The following NPC1L1 variants were observed in gnomAD, a reference collection of about 807,000 sequenced individuals.
NPC1L1 encodes NPC1 like intracellular cholesterol transporter 1, also known as NPC1-like intracellular cholesterol transporter 1.
A neutral mutation model predicts 117.0 loss-of-function variants in NPC1L1; 98 were observed. The ratio of observed to expected loss-of-function variants is 0.84; its 90% CI spans 0.71 to 0.99. The LOEUF is 0.99. NPC1L1 is among the 50% of genes least tolerant of loss of function. NPC1L1 has a pLI of 0.00. For missense variants in NPC1L1, 1,540 were observed against 1,710.0 expected (o/e 0.90, Z 1.75); for synonymous variants, 729 against 727.6 (o/e 1.00, Z -0.03).
At chr7:44,530,372 A>G (rs574595378) in intron 10 of NPC1L1, among the ~76,000 whole-genome samples, 29 of 152,198 alleles carry the variant, frequency 1.9e-4, no homozygotes, top group African/African-American at 7.0e-4. Flanking sequence ...TGGTTGTGTC[A>G]GGGGCTGAGG....
rs759973294 is a variant in NPC1L1 at position 44,520,958 on chromosome 7, T to C, written c.3080+34A>G. On this transcript the variant is annotated intron_variant, in intron 13 of 18. Transcript: ENST00000381160. ...AACCCCATCCTGTGTCCCACATGTC[T>C]GTCCTCCCCAGCAGAAGGCCCTCCC... 9 of 1,614,050 alleles carry C rather than the reference T, an allele frequency of 5.6e-6. No homozygotes were observed. In the East Asian group the frequency reaches 2.0e-4, roughly 36 times the overall value.
intron 10 of NPC1L1, among the ~76,000 whole-genome samples, chr7:44,524,893 T>G (rs1393717776): frequency 6.6e-6 from 1 of 151,544 alleles, no homozygotes; most frequent in Non-Finnish European, 1.5e-5. Flanking sequence ...GCAAAAAAAC[T>G]CTGGAGCTAA....
At chr7:44,519,367 G>C (rs1002831837) in intron 14 of NPC1L1, among the ~76,000 whole-genome samples, 8 of 152,190 alleles carry the variant, frequency 5.3e-5, no homozygotes, top group Admixed American at 2.6e-4. Flanking sequence ...GCTCCTTCCA[G>C]GCCCTGCTCC....
At chr7:44,541,141 A>T (rs537019177) in intron 1 of NPC1L1, 65 bp downstream of exon 1, 20 of 1,515,900 alleles carry the variant, frequency 1.3e-5, no homozygotes, top group Non-Finnish European at 1.7e-5. Flanking sequence ...CGCCTGGTAC[A>T]CGGCTGGCCC....
chr7:44,517,565 C>A (rs1225212248), intron 14 of NPC1L1, among the ~76,000 whole-genome samples: 1 of 152,176 alleles, frequency 6.6e-6, no homozygotes, highest in East Asian at 1.9e-4. Context: ...ATAGCTGGCC[C>A]CACTGCTGTG....
In NPC1L1 at chr7:44,536,480, C is replaced by G. The variant is rs1461571278; in HGVS notation, c.1682-52G>C. On this transcript the variant is annotated intron_variant, in intron 3 of 18. Coordinates refer to ENST00000381160, the MANE Select transcript of NPC1L1 (RefSeq NM_001101648.2). This position sits in a 1 kb window ranked among gnomAD's most constrained non-coding sequence, Gnocchi z 4.7. ...CCTGCTGCACCCGTGCCTCCCTCCC[C>G]CTCCAGCTGCACCCCTATATTCCCT... 2 of 1,587,922 alleles carry G rather than the reference C, an allele frequency of 1.3e-6. No homozygotes were observed. The highest frequency in any genetic ancestry group is 1.7e-6 in the Non-Finnish European group (2 of 1,167,822).
Position 44,538,777 on chromosome 7 carries a change from C to A in NPC1L1, c.1580+40G>T. 6.2e-7 allele frequency: 1 copy of A among 1,606,282 alleles called. No homozygotes were observed. Among genetic ancestry groups the A allele is most frequent in the East Asian group, 2.2e-5 (1 of 44,846 alleles). ...GGAGGCCATGGCAGCCCAGCCCCAGCCCCAGCCCACTCCTCGCTTGGGCCC... is the reference window on the plus strand; with the variant it reads ...GGAGGCCATGGCAGCCCAGCCCCAGACCCAGCCCACTCCTCGCTTGGGCCC... On this transcript the variant is annotated intron_variant, in intron 2 of 18. Transcript: ENST00000381160. The surrounding 1 kb of genome is among the most constrained non-coding windows in gnomAD (Gnocchi z 5.9).
chr7:44,530,291 T>G (rs1401399199), intron 10 of NPC1L1, among the ~76,000 whole-genome samples: 1 of 150,206 alleles, frequency 6.7e-6, no homozygotes, highest in Non-Finnish European at 1.5e-5. Flanking sequence ...TGAGCCGAGA[T>G]CACACCATTG....
intron 18 of NPC1L1, among the ~76,000 whole-genome samples, chr7:44,514,248 A>G (rs1585124242): frequency 6.6e-6 from 1 of 152,230 alleles, no homozygotes; most frequent in Non-Finnish European, 1.5e-5. Context: ...AACTCCTCCC[A>G]GCTTGCCCAC....
chr7:44,525,722 A>C (rs1001198186), intron 10 of NPC1L1, among the ~76,000 whole-genome samples: 3 of 152,218 alleles, frequency 2.0e-5, no homozygotes, highest in African/African-American at 7.2e-5. Context: ...AATAAAAATA[A>C]AAAGTAAAAT....
intron 10 of NPC1L1, among the ~76,000 whole-genome samples, chr7:44,526,410 G>T (rs533700148): frequency 6.6e-6 from 1 of 150,900 alleles, no homozygotes; most frequent in East Asian, 2.0e-4. Flanking sequence ...TTAGCCAGGC[G>T]TGGAGGCATG....
At chr7:44,523,228 G>C (rs1181381967) in intron 10 of NPC1L1, among the ~76,000 whole-genome samples, 6 of 151,980 alleles carry the variant, frequency 3.9e-5, no homozygotes, top group Non-Finnish European at 8.8e-5. Flanking sequence ...GCTGATTTTT[G>C]TATTTTTAAA....
chr7:44,539,629 G>A lies in NPC1L1; in HGVS notation c.768C>T (p.Cys256=), dbSNP rs771299230. 3 of 1,613,874 alleles carry A rather than the reference G, an allele frequency of 1.9e-6. No individual in the cohort carries two copies. In the East Asian group the frequency reaches 6.7e-5, roughly 36 times the overall value. ...SQGDDVATCS[C]QDCAASCPAI... is the part of the protein sequence containing the mutation. ...CAGGACAGGATGCAGCACAGTCTTG[G>A]CAGGAGCAGGTCGCCACGTCGTCAC... The change falls in exon 2 of 19, where the codon TGC becomes TGT. Residue 256 remains cysteine (C), a synonymous_variant. Transcript: ENST00000381160. The surrounding 1 kb of genome is among the most constrained non-coding windows in gnomAD (Gnocchi z 4.4).
rs201181300 is a variant in NPC1L1 at position 44,533,556 on chromosome 7, C to A, written c.2284G>T (p.Ala762Ser). 43 of 1,614,054 alleles carry A rather than the reference C, an allele frequency of 2.7e-5. No individual in the cohort carries two copies. The highest frequency in any genetic ancestry group is 4.0e-5 in the African/African-American group (3 of 74,942). The change falls in exon 8 of 19, where the codon GCC becomes TCC. Residue 762 changes from alanine (A) to serine (S), a missense_variant and splice_region_variant. Around this residue, in one of 3 missense-constraint regions of NPC1L1, gnomAD observed 742 missense variants for 873.6 expected, o/e 0.85. Coordinates refer to ENST00000381160, the MANE Select transcript of NPC1L1 (RefSeq NM_001101648.2). ...LSEAICFFLG[A>S]LTPMPAVRTF... Reference sequence around the variant, plus strand: ...CGCACAGCTGGCATGGGGGTCAGGGCCCCTGTGAGGGAGCAGAGGGCTGTC... The same window carrying A: ...CGCACAGCTGGCATGGGGGTCAGGGACCCTGTGAGGGAGCAGAGGGCTGTC...
chr7:44,534,326 G>C lies in NPC1L1; in HGVS notation c.2166+121C>G. On this transcript the variant is annotated intron_variant, in intron 6 of 18. Transcript: ENST00000381160. The surrounding 1 kb of genome is among the most constrained non-coding windows in gnomAD (Gnocchi z 5.2). The stretch of plus-strand genomic sequence containing the variant: ...TACAGATATTGTAAACATGCGTGTC[G>C]ATGAACAGAAAGAGTCTGCAGGGAG... 2.2e-6 allele frequency: 2 copies of C among 926,766 alleles called. No homozygotes were observed. The highest frequency in any genetic ancestry group is 3.6e-6 in the Non-Finnish European group (2 of 557,068). 57.4% of individuals were successfully genotyped at this position (926,766 alleles called of 1,614,324 possible).
chr7:44,536,268 C>G lies in NPC1L1; in HGVS notation c.1842G>C (p.Thr614=), dbSNP rs141472794. 6.2e-7 allele frequency: 1 copy of G among 1,613,890 alleles called. No individual in the cohort carries two copies. The highest frequency in any genetic ancestry group is 1.7e-5 in the Admixed American group (1 of 60,032). Residue 614 remains threonine, a synonymous_variant, in exon 4 of 19, where the codon ACG becomes ACC. Coordinates refer to ENST00000381160, the MANE Select transcript of NPC1L1 (RefSeq NM_001101648.2). The surrounding 1 kb of genome is among the most constrained non-coding windows in gnomAD (Gnocchi z 4.7). ...QRRMAGMFQV[T]FMAERSLEDE... is the part of the protein sequence containing the mutation. Reference sequence around the variant, plus strand: ...CTGCAGCCCCTACCTCAGCCATGAACGTGACCTGGAACATGCCAGCCATCC... The same window carrying G: ...CTGCAGCCCCTACCTCAGCCATGAAGGTGACCTGGAACATGCCAGCCATCC...
In NPC1L1 at chr7:44,536,969, A is replaced by C. The variant is rs753240988; in HGVS notation, c.1581-27T>G. 5.0e-6 allele frequency: 8 copies of C among 1,600,984 alleles called. No individual in the cohort carries two copies. The highest frequency in any genetic ancestry group is 6.0e-6 in the Non-Finnish European group (7 of 1,169,896). ...TAGAGGGAGATGACCGCAAAGGGAA[A>C]GGGCCTTTCCTGGCCCTGCCCAGTC... is the stretch of plus-strand genomic sequence containing the variant. On this transcript the variant is annotated intron_variant, in intron 2 of 18. Coordinates refer to ENST00000381160, the MANE Select transcript of NPC1L1 (RefSeq NM_001101648.2). The surrounding 1 kb of genome is among the most constrained non-coding windows in gnomAD (Gnocchi z 4.7).
In NPC1L1 at chr7:44,520,749, G is replaced by A. The variant is rs1801327276; in HGVS notation, c.3136+16C>T. On this transcript the variant is annotated intron_variant, in intron 14 of 18. Transcript: ENST00000381160. ...AACCGATTTATGTCCTCCCCTCCAGGCAAGGCCATGCTTACCTAAAACCTG... is the reference window on the plus strand; with the variant it reads ...AACCGATTTATGTCCTCCCCTCCAGACAAGGCCATGCTTACCTAAAACCTG... The A allele has an allele frequency of 6.2e-7, 1 of 1,612,582 alleles. No individual in the cohort carries two copies. The highest frequency in any genetic ancestry group is 8.5e-7 in the Non-Finnish European group (1 of 1,178,774).
rs528352114 is a variant in NPC1L1 at position 44,516,704 on chromosome 7, G to A, written c.3518C>T (p.Ser1173Leu). The change falls in exon 16 of 19, where the codon TCG (serine) becomes TTG (leucine). Residue 1173 changes from serine to leucine, a missense_variant and splice_region_variant. By Grantham distance (145) the Ser-to-Leu change is moderately radical. Coordinates refer to ENST00000381160, the MANE Select transcript of NPC1L1 (RefSeq NM_001101648.2). The part of the protein sequence containing the change: ...YNAVSLINLV[S>L]AVGMSVEFVS... ...TGGTGCCTGTGTCTGCTGGGTTACC[G>A]AGACCAGGTTGATGAGGGACACAGC... 4.3e-5 allele frequency: 69 copies of A among 1,608,104 alleles called. No homozygotes were observed. The highest frequency in any genetic ancestry group is 3.3e-4 in the Middle Eastern group (2 of 6,056).
Sources: allele counts gnomAD v4.1 joint callset (sites outside exome capture counted in the v4.1 genomes callset), GRCh38; gene constraint gnomAD v4.1.1; regional missense constraint gnomAD v4.1.1; non-coding constraint Gnocchi (gnomAD v3.1); transcripts MANE v1.5; gene names NCBI Gene and HGNC (gene_info 2026-07-23, HGNC 2026-07-21).